Variants in PCDHGA7 observed in about 807,000 individuals in gnomAD.
PCDHGA7 encodes protocadherin gamma subfamily A, 7, also known as protocadherin gamma-A7.
PCDHGA7 carries 44 observed loss-of-function variants against 58.3 expected under a neutral mutation model. That is an observed-to-expected ratio of 0.75 (90% CI 0.59 to 0.97). The LOEUF is 0.97. PCDHGA7 is among the 50% of genes least tolerant of loss of function. The pLI, the probability that PCDHGA7 is intolerant of heterozygous loss-of-function variation, is 0.00. For synonymous variants in PCDHGA7, 516 were observed against 504.2 expected (o/e 1.02, Z -0.31); for missense variants, 1,266 against 1,188.7 (o/e 1.06, Z -0.96).
chr5:141,443,417 T>C (rs1429905201), intron 1 of PCDHGA7, among the ~76,000 whole-genome samples: 3 of 152,132 alleles, frequency 2.0e-5, no homozygotes, highest in East Asian at 1.9e-4. Context: ...TCTGGGGAGA[T>C]TGAAGCTGCA....
At chr5:141,419,542 G>C (rs771168003) in intron 1 of PCDHGA7, 3 of 1,612,016 alleles carry the variant, frequency 1.9e-6, no homozygotes, top group South Asian at 2.2e-5. Flanking sequence ...ACGCACCGCG[G>C]GTGCTGTACC....
Position 141,487,401 on chromosome 5 carries a change from T to C in PCDHGA7, c.2425-7406T>C, listed in dbSNP as rs2099644244. The C allele has an allele frequency of 6.2e-7, 1 of 1,614,134 alleles. No individual in the cohort carries two copies. The highest frequency in any genetic ancestry group is 1.3e-5 in the African/African-American group (1 of 75,046). On this transcript the variant is annotated intron_variant, in intron 1 of 3. Transcript: ENST00000518325. This position sits in a 1 kb window ranked among gnomAD's most constrained non-coding sequence, Gnocchi z 5.0. ...ACCAGATCTCGAAGGAGGGAGGGGCTTCCCCCTTCCAATGGGATCCTCCGA... is the reference window on the plus strand; with the variant it reads ...ACCAGATCTCGAAGGAGGGAGGGGCCTCCCCCTTCCAATGGGATCCTCCGA...
intron 1 of PCDHGA7, chr5:141,475,902 C>A (rs1296545944): frequency 1.7e-6 from 1 of 576,594 alleles, no homozygotes; most frequent in Non-Finnish European, 3.0e-6. Context: ...GTGCCGCTGT[C>A]GGCCAATGAA....
intron 1 of PCDHGA7, chr5:141,420,098 A>G: frequency 6.2e-7 from 1 of 1,614,034 alleles, no homozygotes; most frequent in African/African-American, 1.3e-5. Flanking sequence ...CAGTGAGGGA[A>G]CGTTGCCCTA....
chr5:141,439,172 G>A (rs1181712838), intron 1 of PCDHGA7, among the ~76,000 whole-genome samples: 1 of 147,496 alleles, frequency 6.8e-6, no homozygotes, highest in Admixed American at 6.8e-5. Context: ...CAGCCTGGGC[G>A]ACATAGTGAG....
At chr5:141,500,190 TTA>T (rs551092091) in intron 2 of PCDHGA7, among the ~76,000 whole-genome samples, 3 of 110,960 alleles carry the variant, frequency 2.7e-5, no homozygotes, top group Non-Finnish European at 3.9e-5. Context: ...TTATTTTTAT[TTA>T]TTTATTTATT....
chr5:141,432,367 C>A lies in PCDHGA7; in HGVS notation c.2424+47044C>A, dbSNP rs2097491556. 6.2e-7 allele frequency: 1 copy of A among 1,614,246 alleles called. No individual in the cohort carries two copies. The highest frequency in any genetic ancestry group is 8.5e-7 in the Non-Finnish European group (1 of 1,180,040). The stretch of plus-strand genomic sequence containing the variant: ...TGCAAGTGAAAGTGATGGCGCGGGA[C>A]AACGGGCACCCGCCCCTCAGCAGCA... On this transcript the variant is annotated intron_variant, in intron 1 of 3. Transcript: ENST00000518325. This position sits in a 1 kb window ranked among gnomAD's most constrained non-coding sequence, Gnocchi z 6.0.
rs539892249 is a variant in PCDHGA7 at position 141,500,355 on chromosome 5, C to T, written c.2484-5038C>T. ...TCCAGAATAGCTGGGACTACAGGCG[C>T]CCACTACCACGCCCGGCTAATTATT... On this transcript the variant is annotated intron_variant, in intron 2 of 3. Coordinates refer to ENST00000518325, the MANE Select transcript of PCDHGA7 (RefSeq NM_018920.4). Among the ~76,000 whole-genome samples, 274 of 152,030 alleles carry T rather than the reference C, an allele frequency of 1.8e-3. 2 individuals are homozygous for T. The highest frequency in any genetic ancestry group is 6.3e-3 in the African/African-American group (263 of 41,478).
rs2096271749 is a variant in PCDHGA7, at chr5:141,418,581, T to G, written c.2424+33258T>G. On this transcript the variant is annotated intron_variant, in intron 1 of 3. Coordinates refer to ENST00000518325, the MANE Select transcript of PCDHGA7 (RefSeq NM_018920.4). The stretch of plus-strand genomic sequence containing the variant: ...ATAGATGCCAATGACAACCCCCCAG[T>G]GTTCAGCCAGGACGTGTACAGGGTT... The G allele has an allele frequency of 2.5e-6, 4 of 1,613,854 alleles. No homozygotes were observed. The South Asian group carries it at 4.4e-5, about 18-fold the overall frequency.
At chr5:141,413,990 A>G (rs1179968710) in intron 1 of PCDHGA7, 6 of 1,613,434 alleles carry the variant, frequency 3.7e-6, no homozygotes, top group Admixed American at 1.7e-5. Context: ...ACAGCCACCG[A>G]CAGGGACGAA....
rs148675327 is a variant in PCDHGA7 at position 141,477,019 on chromosome 5, C to A, written c.2425-17788C>A. On this transcript the variant is annotated intron_variant, in intron 1 of 3. Coordinates refer to ENST00000518325, the MANE Select transcript of PCDHGA7 (RefSeq NM_018920.4). The surrounding 1 kb of genome is among the most constrained non-coding windows in gnomAD (Gnocchi z 4.9). ...AACTATTCGCCTTAGACCTTGTAAC[C>A]GGGATGCTGACAATCAAGGGTCGGC... The A allele has an allele frequency of 1.7e-5, 28 of 1,614,124 alleles. No individual in the cohort carries two copies. The African/African-American group carries it at 2.5e-4, about 15-fold the overall frequency.
intron 1 of PCDHGA7, chr5:141,475,816 C>A (rs1051857446): frequency 1.5e-5 from 5 of 342,872 alleles, no homozygotes; most frequent in Admixed American, 9.0e-5. Context: ...AGTGAAGTTC[C>A]TGGCGCTAGC....
At chr5:141,404,878 T>C (rs748965325) in intron 1 of PCDHGA7, 88 of 1,613,722 alleles carry the variant, frequency 5.5e-5, no homozygotes, top group Non-Finnish European at 7.3e-5. Context: ...AACAGAGCCT[T>C]GTGGTGGCTG....
In PCDHGA7 at chr5:141,431,304, T is replaced by G. The variant is rs749116196; in HGVS notation, c.2424+45981T>G. The G allele has an allele frequency of 7.4e-6, 12 of 1,614,104 alleles. No individual in the cohort carries two copies. Among genetic ancestry groups the G allele is most frequent in the Non-Finnish European group, 9.3e-6 (11 of 1,180,030 alleles). On this transcript the variant is annotated intron_variant, in intron 1 of 3. Coordinates refer to ENST00000518325, the MANE Select transcript of PCDHGA7 (RefSeq NM_018920.4). The surrounding 1 kb of genome is among the most constrained non-coding windows in gnomAD (Gnocchi z 4.8). ...CCGAACACTCACTTCTCCCTCATCGTGCAAAATGGAGCCGACGGTAGTAAG... is the reference window on the plus strand; with the variant it reads ...CCGAACACTCACTTCTCCCTCATCGGGCAAAATGGAGCCGACGGTAGTAAG...
intron 1 of PCDHGA7, chr5:141,405,392 T>C: frequency 6.3e-7 from 1 of 1,596,104 alleles, no homozygotes; most frequent in Non-Finnish European, 8.5e-7. Flanking sequence ...TTCATTTTTT[T>C]TCTTTCTTTC....
intron 1 of PCDHGA7, among the ~76,000 whole-genome samples, chr5:141,401,668 A>G (rs2094180828): frequency 6.6e-6 from 1 of 152,254 alleles, no homozygotes; most frequent in Non-Finnish European, 1.5e-5. Flanking sequence ...TTTTCTCAAC[A>G]TCCTTGTAGG....
Position 141,418,027 on chromosome 5 carries a change from T to A in PCDHGA7, c.2424+32704T>A, listed in dbSNP as rs536104184. 2.4e-5 allele frequency: 38 copies of A among 1,613,808 alleles called. 1 individual carries two copies. In the South Asian group the frequency reaches 4.2e-4, roughly 18 times the overall value. ...GGAACCTCGCTAAGGATCTAGGGCT[T>A]AGTGTCCTGGATGTGTCGGCTCGCG... On this transcript the variant is annotated intron_variant, in intron 1 of 3. Coordinates refer to ENST00000518325, the MANE Select transcript of PCDHGA7 (RefSeq NM_018920.4).
intron 1 of PCDHGA7, chr5:141,415,814 T>G: frequency 7.5e-7 from 1 of 1,330,430 alleles, no homozygotes; most frequent in South Asian, 1.8e-5. Flanking sequence ...AAGGCCTATA[T>G]ATCATAAGGC....
rs528069305 is a variant in PCDHGA7, at chr5:141,457,143, T to A, written c.2425-37664T>A. Among the ~76,000 whole-genome samples the A allele has an allele frequency of 5.3e-5, 8 of 152,334 alleles. No homozygotes were observed. In the South Asian group the frequency reaches 1.5e-3, roughly 28 times the overall value. On this transcript the variant is annotated intron_variant, in intron 1 of 3. Transcript: ENST00000518325. ...ATGGAAACTCTGTCCAATATTTCAG[T>A]TAGAAGGTGCTACCATGGATAACCC...
Sources: gnomAD v4.1 joint callset for allele counts (sites outside exome capture counted in the v4.1 genomes callset) on GRCh38, gnomAD v4.1.1 for gene constraint, Gnocchi (gnomAD v3.1) non-coding constraint, MANE v1.5 for transcripts, NCBI Gene and HGNC (gene_info 2026-07-23, HGNC 2026-07-21) for gene names.